The following TSPEAR variants were observed in gnomAD, a reference collection of about 807,000 sequenced individuals.
The protein encoded by TSPEAR is thrombospondin type laminin G domain and EAR repeats.
A neutral mutation model predicts 71.6 loss-of-function variants in TSPEAR; 69 were observed. The ratio of observed to expected loss-of-function variants is 0.96; its 90% CI spans 0.79 to 1.18. The LOEUF (loss-of-function observed/expected upper bound fraction) is 1.18, where lower values mean the gene tolerates loss of function less well. Ranked by LOEUF, TSPEAR falls within the 50% of genes most tolerant of loss-of-function variation. TSPEAR has a pLI of 0.00. For synonymous variants in TSPEAR, 402 were observed against 387.2 expected (o/e 1.04, Z -0.45); for missense variants, 971 against 894.9 (o/e 1.09, Z -1.09).
chr21:44,602,331 G>C (rs1372298747), intron 1 of TSPEAR, among the ~76,000 whole-genome samples: 1 of 152,206 alleles, frequency 6.6e-6, no homozygotes, highest in Non-Finnish European at 1.5e-5. Context: ...TGTCCGAGGG[G>C]TAGGCAGGAC....
intron 1 of TSPEAR, among the ~76,000 whole-genome samples, chr21:44,600,249 A>G (rs775317487): frequency 1.3e-5 from 2 of 151,990 alleles, no homozygotes; most frequent in Admixed American, 1.3e-4. Flanking sequence ...TGGGATTAGG[A>G]TGGATGGATC....
intron 1 of TSPEAR, among the ~76,000 whole-genome samples, chr21:44,688,940 G>A (rs991866425): frequency 3.3e-5 from 5 of 152,094 alleles, no homozygotes; most frequent in African/African-American, 1.2e-4. Flanking sequence ...TCTCATGCTG[G>A]CCTCGGGCTC....
chr21:44,540,206 C>A, intron 2 of TSPEAR: 1 of 1,587,732 alleles, frequency 6.3e-7, no homozygotes, highest in Non-Finnish European at 8.6e-7. Flanking sequence ...GTGTGGGAGT[C>A]AGTGTGTGTG....
intron 1 of TSPEAR, among the ~76,000 whole-genome samples, chr21:44,587,534 T>G (rs1435740247): frequency 6.6e-6 from 1 of 152,064 alleles, no homozygotes; most frequent in Non-Finnish European, 1.5e-5. Flanking sequence ...AAAAATTCTA[T>G]AATTCATATG....
At chr21:44,517,933 A>C in intron 9 of TSPEAR, 1 of 462,218 alleles carries the variant, frequency 2.2e-6, no homozygotes, top group Non-Finnish European at 4.5e-6. Context: ...CAATTCCATC[A>C]CTGTCCTCAC....
At chr21:44,572,960 A>G (rs1226584308) in intron 1 of TSPEAR, among the ~76,000 whole-genome samples, 1 of 151,670 alleles carries the variant, frequency 6.6e-6, no homozygotes, top group Non-Finnish European at 1.5e-5. Context: ...AGATAGCAGC[A>G]GCCCACAGGA....
intron 1 of TSPEAR, chr21:44,677,822 C>A: frequency 1.5e-6 from 2 of 1,292,410 alleles, no homozygotes; most frequent in Non-Finnish European, 2.2e-6. Context: ...AACCAAGAAC[C>A]ACCTCGAAGA....
intron 1 of TSPEAR, chr21:44,702,732 C>G: frequency 7.0e-7 from 1 of 1,435,048 alleles, no homozygotes; most frequent in Non-Finnish European, 9.8e-7. Flanking sequence ...GCGTGTCCCT[C>G]CTCTGCCGCC....
At chr21:44,684,515 C>T (rs1986765671) in intron 1 of TSPEAR, among the ~76,000 whole-genome samples, 2 of 152,180 alleles carry the variant, frequency 1.3e-5, no homozygotes, top group Non-Finnish European at 2.9e-5. Context: ...GCCTGGGTGA[C>T]CAAGCAAGAA....
chr21:44,680,454 A>G (rs1986527550), intron 1 of TSPEAR, among the ~76,000 whole-genome samples: 3 of 152,238 alleles, frequency 2.0e-5, no homozygotes, highest in Admixed American at 6.5e-5. Flanking sequence ...GGAAGTGTAA[A>G]TTAGTACAGC....
intron 11 of TSPEAR, among the ~76,000 whole-genome samples, chr21:44,503,539 G>A (rs1260959277): frequency 1.7e-5 from 2 of 118,278 alleles, no homozygotes; most frequent in Non-Finnish European, 3.5e-5. Flanking sequence ...AGCCGGCCTT[G>A]GTGAGCCCAC....
chr21:44,698,470 G>A (rs1327705980), intron 1 of TSPEAR, among the ~76,000 whole-genome samples: 3 of 152,156 alleles, frequency 2.0e-5, no homozygotes, highest in Non-Finnish European at 1.5e-5. Context: ...TCAACGGAGC[G>A]GCCGTCCCCA....
intron 1 of TSPEAR, among the ~76,000 whole-genome samples, chr21:44,701,344 C>T (rs1987638504): frequency 6.6e-6 from 1 of 152,174 alleles, no homozygotes; most frequent in African/African-American, 2.4e-5. Context: ...TCTAGAACAG[C>T]GGTCCCCAAC....
In TSPEAR at chr21:44,546,416, G is replaced by A. The variant is rs2053304984; in HGVS notation, c.304-12493C>T. ...GTGGTGCGATCTCTGCTCACTGCAA[G>A]CTCCGCCTCCCAGGTTCCCACCATT... On this transcript the variant is annotated intron_variant, in intron 2 of 11. Transcript: ENST00000323084. The surrounding 1 kb of genome is among the most constrained non-coding windows in gnomAD (Gnocchi z 4.4). Among the ~76,000 whole-genome samples the A allele has an allele frequency of 6.6e-6, 1 of 152,178 alleles. No homozygotes were observed. The highest frequency in any genetic ancestry group is 2.4e-5 in the African/African-American group (1 of 41,436).
intron 11 of TSPEAR, among the ~76,000 whole-genome samples, chr21:44,501,830 T>G (rs911607282): frequency 2.6e-4 from 39 of 152,190 alleles, no homozygotes; most frequent in African/African-American, 8.9e-4. Flanking sequence ...GCTTTATAAC[T>G]GAATTTAACC....
chr21:44,505,115 G>A (rs2052162950), intron 10 of TSPEAR, among the ~76,000 whole-genome samples: 3 of 152,150 alleles, frequency 2.0e-5, no homozygotes. Context: ...GTCTCATTCT[G>A]TCACCCAGGC....
Position 44,531,115 on chromosome 21 carries a change from G to A in TSPEAR, c.561C>T (p.Phe187=), listed in dbSNP as rs199928858. Residue 187 remains phenylalanine (F), a synonymous_variant, in exon 4 of 12, where the codon TTC becomes TTT. Transcript: ENST00000323084. ...LPVDIMADVP[F]PATLSVKGAR... ...CTCCTTTCACTGACAGGGTGGCTGG[G>A]AAGGGCACATCGGCCATTCTGAAAA... 3 of 1,613,868 alleles carry A rather than the reference G, an allele frequency of 1.9e-6. No individual in the cohort carries two copies. Among genetic ancestry groups the A allele is most frequent in the Non-Finnish European group, 1.7e-6 (2 of 1,179,964 alleles).
At chr21:44,647,054 G>A in intron 1 of TSPEAR, 1 of 1,613,720 alleles carries the variant, frequency 6.2e-7, no homozygotes, top group Non-Finnish European at 8.5e-7. Context: ...ACTGTCTACT[G>A]CAAGCCCATC....
chr21:44,662,995 G>A (rs950606293), intron 1 of TSPEAR, among the ~76,000 whole-genome samples: 7 of 151,926 alleles, frequency 4.6e-5, no homozygotes, highest in Non-Finnish European at 1.0e-4. Flanking sequence ...ATATCATTAA[G>A]TGCTTATATT....
Sources: gnomAD v4.1 joint callset for allele counts (sites outside exome capture counted in the v4.1 genomes callset) on GRCh38, gnomAD v4.1.1 for gene constraint, Gnocchi (gnomAD v3.1) non-coding constraint, MANE v1.5 for transcripts, NCBI Gene and HGNC (gene_info 2026-07-23, HGNC 2026-07-21) for gene names.